Variants in INTS9 observed in about 807,000 individuals in gnomAD.
INTS9 encodes protein related to CPSF subunits of 74 kDa.
A neutral mutation model predicts 79.7 loss-of-function variants in INTS9; 55 were observed. That is an observed-to-expected ratio of 0.69 (90% CI 0.56 to 0.86). The LOEUF (loss-of-function observed/expected upper bound fraction) is 0.86, where lower values mean the gene tolerates loss of function less well. INTS9 is among the 40% of genes least tolerant of loss of function. The pLI, the probability that INTS9 is intolerant of heterozygous loss-of-function variation, is 0.00. For synonymous variants in INTS9, 319 were observed against 325.2 expected (o/e 0.98, Z 0.20); for missense variants, 721 against 831.5 (o/e 0.87, Z 1.64).
At chr8:28,772,879 G>C (rs1030634478) in intron 14 of INTS9, among the ~76,000 whole-genome samples, 1 of 152,172 alleles carries the variant, frequency 6.6e-6, no homozygotes, top group Non-Finnish European at 1.5e-5. Context: ...GAAAAGACTT[G>C]AATAAAATTG....
intron 1 of INTS9, among the ~76,000 whole-genome samples, chr8:28,883,585 C>A (rs532215703): frequency 6.6e-6 from 1 of 152,286 alleles, no homozygotes; most frequent in East Asian, 1.9e-4. Flanking sequence ...TTACTGGATA[C>A]AATTAAATAC....
At chr8:28,808,233 G>C (rs979754078) in intron 8 of INTS9, among the ~76,000 whole-genome samples, 41 of 139,322 alleles carry the variant, frequency 2.9e-4, no homozygotes, top group African/African-American at 1.1e-3. Context: ...TCTCTCTGTT[G>C]CCCTGGCTGA....
intron 10 of INTS9, among the ~76,000 whole-genome samples, chr8:28,790,315 A>G (rs241181): frequency 2.1e-4 from 32 of 152,062 alleles, no homozygotes; most frequent in African/African-American, 7.5e-4. Context: ...GCTAGCAGCT[A>G]TCCATTTTGG....
At chr8:28,816,701 T>C (rs1437977478) in intron 6 of INTS9, among the ~76,000 whole-genome samples, 2 of 145,418 alleles carry the variant, frequency 1.4e-5, no homozygotes, top group African/African-American at 2.6e-5. Flanking sequence ...ATGGTATTTC[T>C]AGTTCTAGAT....
intron 16 of INTS9, among the ~76,000 whole-genome samples, chr8:28,768,986 G>A (rs919024836): frequency 2.6e-5 from 4 of 152,180 alleles, no homozygotes; most frequent in African/African-American, 9.7e-5. Context: ...GGCTGGGCCA[G>A]GCAGAAGGTC....
intron 10 of INTS9, among the ~76,000 whole-genome samples, chr8:28,790,474 T>G (rs1464481003): frequency 6.6e-6 from 1 of 152,144 alleles, no homozygotes; most frequent in Non-Finnish European, 1.5e-5. Context: ...ACTATGGACA[T>G]GCACCACCAT....
chr8:28,884,623 C>T (rs1283260281), intron 1 of INTS9, among the ~76,000 whole-genome samples: 2 of 152,104 alleles, frequency 1.3e-5, no homozygotes, highest in Non-Finnish European at 2.9e-5. Flanking sequence ...AGCCTTATGT[C>T]ACACGCAGCT....
chr8:28,854,147 G>A (rs527543978), intron 2 of INTS9, among the ~76,000 whole-genome samples: 16 of 152,336 alleles, frequency 1.1e-4, no homozygotes, highest in Admixed American at 6.5e-4. Context: ...CTTCCGAGCA[G>A]CTGGGACTAC....
At chr8:28,819,525 T>C (rs961380508) in intron 6 of INTS9, among the ~76,000 whole-genome samples, 1 of 152,244 alleles carries the variant, frequency 6.6e-6, no homozygotes, top group Admixed American at 6.5e-5. Context: ...AGACAGTTTG[T>C]TATAATTTCT....
chr8:28,838,972 A>G (rs1398456021), intron 4 of INTS9, among the ~76,000 whole-genome samples: 2 of 152,208 alleles, frequency 1.3e-5, no homozygotes, highest in African/African-American at 2.4e-5. Context: ...CTTTATTAGC[A>G]GCATGTTCTG....
At chr8:28,804,530 A>G (rs116263437) in intron 8 of INTS9, among the ~76,000 whole-genome samples, 1 of 150,842 alleles carries the variant, frequency 6.6e-6, no homozygotes, top group African/African-American at 2.4e-5. Flanking sequence ...ACACCAAGCC[A>G]CTCCTTGCTT....
At chr8:28,835,432 C>T in intron 5 of INTS9, 54 bp from the exon 6 acceptor site, 1 of 1,299,610 alleles carries the variant, frequency 7.7e-7, no homozygotes, top group East Asian at 2.3e-5. Flanking sequence ...AGAGAAACAC[C>T]CCATACTCTA....
intron 2 of INTS9, among the ~76,000 whole-genome samples, chr8:28,855,748 T>C (rs1808116001): frequency 6.6e-6 from 1 of 152,228 alleles, no homozygotes; most frequent in Admixed American, 6.5e-5. Context: ...TGCAGACATA[T>C]GTATAAGGTA....
intron 8 of INTS9, among the ~76,000 whole-genome samples, chr8:28,805,657 AGGGGAGATAG>A (rs1388378612): frequency 2.6e-5 from 4 of 152,194 alleles, no homozygotes; most frequent in African/African-American, 9.7e-5. Flanking sequence ...GGAAGAGATG[AGGGGAGATAG>A]GGGAGATGAG....
intron 4 of INTS9, among the ~76,000 whole-genome samples, chr8:28,845,713 A>G (rs1807467072): frequency 6.6e-6 from 1 of 152,184 alleles, no homozygotes; most frequent in Admixed American, 6.5e-5. Flanking sequence ...GGATGACAAA[A>G]TGACTTTGGT....
chr8:28,805,154 T>C (rs557227724), intron 8 of INTS9, among the ~76,000 whole-genome samples: 1 of 152,258 alleles, frequency 6.6e-6, no homozygotes, highest in South Asian at 2.1e-4. Flanking sequence ...TGAAGAGAAA[T>C]AATTTTAAAA....
intron 6 of INTS9, among the ~76,000 whole-genome samples, chr8:28,828,437 A>G (rs2131138890): frequency 6.6e-6 from 1 of 152,370 alleles, no homozygotes; most frequent in Non-Finnish European, 1.5e-5. Flanking sequence ...GAACTTAATC[A>G]TACCACTCAT....
intron 6 of INTS9, among the ~76,000 whole-genome samples, chr8:28,821,468 G>A (rs1805824642): frequency 6.6e-6 from 1 of 152,180 alleles, no homozygotes; most frequent in Non-Finnish European, 1.5e-5. Context: ...CAACATGTGG[G>A]AATTCTGGGA....
chr8:28,887,315 G>C (rs980354360), intron 1 of INTS9, among the ~76,000 whole-genome samples: 1 of 152,206 alleles, frequency 6.6e-6, no homozygotes, highest in Non-Finnish European at 1.5e-5. Flanking sequence ...CGGATGCAGA[G>C]GAAAGAATGA....
Sources: allele counts gnomAD v4.1 joint callset (sites outside exome capture counted in the v4.1 genomes callset), GRCh38; gene constraint gnomAD v4.1.1; transcripts MANE v1.5; gene names NCBI Gene and HGNC (gene_info 2026-07-23, HGNC 2026-07-21).